The following DAB1 variants were observed in gnomAD, a reference collection of about 807,000 sequenced individuals.
DAB1 encodes the protein disabled homolog 1.
DAB1 carries 15 observed loss-of-function variants against 64.6 expected under a neutral mutation model. The ratio of observed to expected loss-of-function variants is 0.23; its 90% CI spans 0.16 to 0.36. DAB1 has a LOEUF of 0.36. Ranked by LOEUF, DAB1 falls within the 10% of genes least tolerant of loss-of-function variation. The pLI is 1.00. For synonymous variants in DAB1, 235 were observed against 251.9 expected, an observed-to-expected ratio of 0.93 and a Z score of 0.64; for missense variants, 596 against 706.7, an observed-to-expected ratio of 0.84 and a Z score of 1.78.
intron 3 of DAB1, among the ~76,000 whole-genome samples, chr1:58,485,674 T>A (rs1645564853): frequency 6.6e-6 from 1 of 152,162 alleles, no homozygotes; most frequent in Non-Finnish European, 1.5e-5. Flanking sequence ...TTTTATAAAT[T>A]CTAATCTATC....
At chr1:57,006,950 A>C (rs996074905) in intron 14 of DAB1, among the ~76,000 whole-genome samples, 9 of 152,184 alleles carry the variant, frequency 5.9e-5, no homozygotes, top group Non-Finnish European at 5.9e-5. Context: ...AGTAGAAATC[A>C]GACCTAAGGC....
intron 6 of DAB1, among the ~76,000 whole-genome samples, chr1:57,699,732 G>A (rs149975808): frequency 1.3e-5 from 2 of 152,096 alleles, no homozygotes. Context: ...GGCCAATATG[G>A]TGAAACCCTG....
At chr1:57,076,338 G>A (rs925442467) in intron 4 of DAB1, among the ~76,000 whole-genome samples, 6 of 152,172 alleles carry the variant, frequency 3.9e-5, no homozygotes, top group African/African-American at 1.4e-4. Flanking sequence ...ATTGTCTTGG[G>A]AAAACTTAGT....
chr1:57,591,555 G>A (rs1025476594), intron 7 of DAB1, among the ~76,000 whole-genome samples: 3 of 152,108 alleles, frequency 2.0e-5, no homozygotes, highest in Non-Finnish European at 2.9e-5. Context: ...AATGGATCTC[G>A]GTTCAAATCC....
At chr1:57,167,417 T>C (rs942799688) in intron 2 of DAB1, among the ~76,000 whole-genome samples, 1 of 152,156 alleles carries the variant, frequency 6.6e-6, no homozygotes, top group African/African-American at 2.4e-5. Flanking sequence ...TCTACGACTA[T>C]CTTGGTTCTC....
At chr1:58,118,490 A>G (rs1380144764) in intron 5 of DAB1, among the ~76,000 whole-genome samples, 1 of 82,098 alleles carries the variant, frequency 1.2e-5, no homozygotes. Context: ...ATATATATAT[A>G]TATATATATA....
chr1:58,069,088 A>G (rs953564779), intron 5 of DAB1, among the ~76,000 whole-genome samples: 2 of 152,226 alleles, frequency 1.3e-5, no homozygotes, highest in Non-Finnish European at 2.9e-5. Context: ...TTTGTCAAAG[A>G]GTAATATGCT....
chr1:58,055,536 T>C (rs1265617613), intron 5 of DAB1, among the ~76,000 whole-genome samples: 4 of 149,476 alleles, frequency 2.7e-5, no homozygotes, highest in Non-Finnish European at 6.0e-5. Context: ...TTGTTGACTA[T>C]CTACTTTTCC....
chr1:58,394,022 A>T (rs970693731), intron 3 of DAB1, among the ~76,000 whole-genome samples: 2 of 152,154 alleles, frequency 1.3e-5, no homozygotes, highest in African/African-American at 2.4e-5. Context: ...TATAAAATTT[A>T]AAAAATATGA....
chr1:57,465,601 T>G (rs556052121), intron 7 of DAB1, among the ~76,000 whole-genome samples: 2 of 152,352 alleles, frequency 1.3e-5, no homozygotes, highest in African/African-American at 4.8e-5. Flanking sequence ...GAAATTCTTT[T>G]CAAAAGATGA....
intron 4 of DAB1, among the ~76,000 whole-genome samples, chr1:58,223,924 C>T (rs1659319012): frequency 6.6e-6 from 1 of 152,200 alleles, no homozygotes; most frequent in African/African-American, 2.4e-5. Flanking sequence ...ATTTTTTCCC[C>T]TTGAAAGAAG....
intron 2 of DAB1, among the ~76,000 whole-genome samples, chr1:57,273,908 G>A (rs1671252425): frequency 6.6e-6 from 1 of 151,948 alleles, no homozygotes; most frequent in Non-Finnish European, 1.5e-5. Context: ...GGCCAGCGGT[G>A]AGTCCACTTC....
chr1:57,338,929 C>T (rs766590613), intron 1 of DAB1, among the ~76,000 whole-genome samples: 3 of 152,166 alleles, frequency 2.0e-5, no homozygotes, highest in South Asian at 2.1e-4. Flanking sequence ...GCTATAAGTC[C>T]GAAAGGCTAA....
chr1:57,247,436 C>A (rs1167656274), intron 2 of DAB1, among the ~76,000 whole-genome samples: 2 of 152,174 alleles, frequency 1.3e-5, no homozygotes, highest in Admixed American at 6.5e-5. Flanking sequence ...CCCAGTGATG[C>A]TTCCTGTTAA....
At chr1:57,672,945 T>G (rs536672509) in intron 6 of DAB1, among the ~76,000 whole-genome samples, 1 of 152,284 alleles carries the variant, frequency 6.6e-6, no homozygotes, top group Non-Finnish European at 1.5e-5. Context: ...CTAAGAGATG[T>G]GATCAAGAGA....
intron 6 of DAB1, among the ~76,000 whole-genome samples, chr1:57,707,389 T>C (rs530292591): frequency 1.3e-5 from 2 of 151,556 alleles, no homozygotes; most frequent in African/African-American, 4.8e-5. Context: ...TATTTCATAG[T>C]ACGGATGTGT....
chr1:57,988,702 G>T (rs1265637267), intron 5 of DAB1, among the ~76,000 whole-genome samples: 2 of 152,156 alleles, frequency 1.3e-5, no homozygotes, highest in African/African-American at 4.8e-5. Flanking sequence ...AATTTGAGGG[G>T]TGTGGGATGG....
rs116033480 is a variant in DAB1 at position 58,320,700 on chromosome 1, C to T, written n.309+22652G>A. 9.3e-3 allele frequency among the ~76,000 whole-genome samples: 1,424 copies of T among 152,316 alleles called. 22 individuals carry two copies. Among genetic ancestry groups the T allele is most frequent in the African/African-American group, 0.033 (1,384 of 41,564 alleles). ...TTATTCAAGGCCTGGTCATGTTGAA[C>T]ATAAGTATACCAGATTGTTAGTCAT... On this transcript the variant is annotated intron_variant and non_coding_transcript_variant, in intron 4 of 20. Transcript: ENST00000485760.
At chr1:57,225,808 T>C (rs1398719065) in intron 2 of DAB1, among the ~76,000 whole-genome samples, 1 of 152,118 alleles carries the variant, frequency 6.6e-6, no homozygotes. Context: ...GAGGTAGTGA[T>C]GTTTTTGTTT....
Sources: allele counts gnomAD v4.1 joint callset (sites outside exome capture counted in the v4.1 genomes callset), GRCh38; gene constraint gnomAD v4.1.1; transcripts MANE v1.5; gene names NCBI Gene and HGNC (gene_info 2026-07-23, HGNC 2026-07-21).